Variants in CEP290 observed in about 807,000 individuals in gnomAD.
The protein encoded by CEP290 is centrosomal protein of 290 kDa.
A neutral mutation model predicts 344.9 loss-of-function variants in CEP290; 317 were observed. That is an observed-to-expected ratio of 0.92 (90% CI 0.84 to 1.01). CEP290 has a LOEUF of 1.01. Among genes scored for constraint, CEP290 ranks in the 50% least tolerant of loss-of-function variants. The pLI, the probability that CEP290 is intolerant of heterozygous loss-of-function variation, is 0.00. For missense variants in CEP290, 2,754 were observed against 2,761.4 expected (o/e 1.00, Z 0.06); for synonymous variants, 932 against 895.8 (o/e 1.04, Z -0.72).
chr12:88,089,635 A>G (rs2036866677), intron 30 of CEP290, 148 bp from the exon 31 acceptor site: 2 of 530,694 alleles, frequency 3.8e-6, no homozygotes, highest in Non-Finnish European at 6.2e-6. Flanking sequence ...TTTAATACAA[A>G]TAATTACCAA....
At chr12:88,104,456 A>G (rs1049971403) in intron 25 of CEP290, among the ~76,000 whole-genome samples, 5 of 150,898 alleles carry the variant, frequency 3.3e-5, no homozygotes, top group South Asian at 2.1e-4. Context: ...GAGAAAGATA[A>G]TAAGTTACCT....
intron 26 of CEP290, among the ~76,000 whole-genome samples, chr12:88,101,699 C>T (rs972694126): frequency 6.6e-6 from 1 of 151,066 alleles, no homozygotes; most frequent in Non-Finnish European, 1.5e-5. Context: ...ATGAAAAATA[C>T]TCTTTGGGAA....
At chr12:88,078,352 T>C (rs970293277) in intron 39 of CEP290, among the ~76,000 whole-genome samples, 3 of 152,108 alleles carry the variant, frequency 2.0e-5, no homozygotes, top group Non-Finnish European at 4.4e-5. Flanking sequence ...AAAGGGTAAC[T>C]TACAATACTA....
At chr12:88,109,036 T>TTA (rs755410473) in intron 23 of CEP290, 30 bp downstream of exon 23, 22 of 691,128 alleles carry the variant, frequency 3.2e-5, no homozygotes, top group Non-Finnish European at 4.2e-5. Context: ...TATACTGCAA[T>TTA]TATATTTATA....
intron 47 of CEP290, 149 bp downstream of exon 47, chr12:88,060,681 G>T: frequency 1.8e-6 from 1 of 570,972 alleles, no homozygotes; most frequent in Admixed American, 3.8e-5. Flanking sequence ...CCTTAGCCTT[G>T]CCTCTCATAA....
At position 88,118,582 on chromosome 12, in the gene CEP290, A is replaced by C; in HGVS notation, c.1624-12T>G. Reference sequence around the variant, plus strand: ...TCTAGACTTTCAATCTGCAAAGTATAAATTATTAGTATTTCTCTATAGTTC... The same window carrying C: ...TCTAGACTTTCAATCTGCAAAGTATCAATTATTAGTATTTCTCTATAGTTC... On this transcript the variant is annotated splice_polypyrimidine_tract_variant and intron_variant, in intron 16 of 53. Coordinates refer to ENST00000552810, the MANE Select transcript of CEP290 (RefSeq NM_025114.4). 1 of 1,607,818 alleles carries C rather than the reference A, an allele frequency of 6.2e-7. No homozygotes were observed. The highest frequency in any genetic ancestry group is 8.5e-7 in the Non-Finnish European group (1 of 1,175,814).
rs2036845657 is a variant in CEP290 at position 88,089,405 on chromosome 12, C to T, written c.3656G>A (p.Gly1219Asp). Residue 1219 changes from glycine to aspartate, a missense_variant, in exon 31 of 54, where the codon GGT becomes GAT. Transcript: ENST00000552810. ...SLQLSEATAL[G>D]KLESITSKLQ... Reference sequence around the variant, plus strand: ...TTTAGATGTAATTGACTCCAACTTACCAAGAGCAGTAGCCTCACTCAGTTG... The same window carrying T: ...TTTAGATGTAATTGACTCCAACTTATCAAGAGCAGTAGCCTCACTCAGTTG... The T allele has an allele frequency of 6.2e-7, 1 of 1,612,090 alleles. No homozygotes were observed. The highest frequency in any genetic ancestry group is 1.3e-5 in the African/African-American group (1 of 74,882).
At chr12:88,099,796 T>A (rs1265247863) in intron 26 of CEP290, among the ~76,000 whole-genome samples, 1 of 152,122 alleles carries the variant, frequency 6.6e-6, no homozygotes, top group Non-Finnish European at 1.5e-5. Flanking sequence ...TTTCTATCCA[T>A]TTTTTTCTTC....
intron 10 of CEP290, 120 bp from the exon 11 acceptor site, chr12:88,129,155 C>A: frequency 3.3e-6 from 1 of 303,136 alleles, no homozygotes; most frequent in Non-Finnish European, 5.2e-6. Flanking sequence ...CATACGTATT[C>A]ATACTTATAT....
chr12:88,120,088 A>C lies in CEP290; in HGVS notation c.1522+26T>G, dbSNP rs775518605. The stretch of plus-strand genomic sequence containing the variant: ...AAGACTTGTAAATCAGGTTGCGCAA[A>C]CTATGTAACTTAAAACATGGCTTAC... On this transcript the variant is annotated intron_variant, in intron 15 of 53. Transcript: ENST00000552810. 7 of 1,403,198 alleles carry C rather than the reference A, an allele frequency of 5.0e-6. No individual in the cohort carries two copies. The Admixed American group carries it at 8.9e-5, about 18-fold the overall frequency. The allele number at this position is 1,403,198 out of a possible 1,614,324, so 86.9% of individuals were successfully genotyped here.
chr12:88,114,177 G>T (rs1371326384), intron 20 of CEP290, among the ~76,000 whole-genome samples: 1 of 152,056 alleles, frequency 6.6e-6, no homozygotes, highest in Non-Finnish European at 1.5e-5. Flanking sequence ...GCTGACCCTT[G>T]AACCAAAAGA....
chr12:88,086,220 G>C (rs1322727522), intron 33 of CEP290, 47 bp from the exon 34 acceptor site: 1 of 1,588,846 alleles, frequency 6.3e-7, no homozygotes, highest in Admixed American at 1.9e-5. Flanking sequence ...GCAGCATTGA[G>C]AGTAACTATT....
intron 44 of CEP290, among the ~76,000 whole-genome samples, chr12:88,065,828 A>G (rs1173678540): frequency 2.6e-5 from 4 of 152,236 alleles, no homozygotes; most frequent in Non-Finnish European, 5.9e-5. Flanking sequence ...TTTTGAAATA[A>G]TAAAACTAAA....
In CEP290 at chr12:88,107,905, G is replaced by GA. The variant is rs551623504; in HGVS notation, c.2484-808dup. 8.6e-3 allele frequency among the ~76,000 whole-genome samples: 1,100 copies of GA among 128,066 alleles called. 21 individuals are homozygous for GA. The highest frequency in any genetic ancestry group is 0.029 in the African/African-American group (1,013 of 34,968). 84.0% of individuals were successfully genotyped at this position (128,066 alleles called of 152,430 possible). On this transcript the variant is annotated intron_variant, in intron 23 of 53. Coordinates refer to ENST00000552810, the MANE Select transcript of CEP290 (RefSeq NM_025114.4). The stretch of plus-strand genomic sequence containing the variant: ...TGACAGAGCAAGACTCTGTCTCAAG[G>GA]AAAAAAAAAAAAAAGTATGCGAGGT...
intron 36 of CEP290, among the ~76,000 whole-genome samples, chr12:88,083,564 A>T (rs1026544147): frequency 1.3e-5 from 2 of 152,220 alleles, no homozygotes; most frequent in African/African-American, 4.8e-5. Flanking sequence ...GGCAAATATG[A>T]GCTGAATTCT....
chr12:88,055,666 A>AT lies in CEP290; in HGVS notation c.6869dup (p.Asn2290LysfsTer6), dbSNP rs587783017. On this transcript the variant is annotated frameshift_variant, in exon 50 of 54. Coordinates refer to ENST00000552810, the MANE Select transcript of CEP290 (RefSeq NM_025114.4). LOFTEE classifies it high-confidence loss of function. ...GCTGTTTAAGGTCAGTAATGCTTTG[A>AT]TTTTTTTTGGCAATATCAGTTTCCA... The AT allele has an allele frequency of 5.6e-5, 87 of 1,553,246 alleles. No homozygotes were observed. In the South Asian group the frequency reaches 6.2e-4, roughly 11 times the overall value.
intron 34 of CEP290, among the ~76,000 whole-genome samples, chr12:88,085,645 T>C (rs2036522266): frequency 6.6e-6 from 1 of 152,104 alleles, no homozygotes; most frequent in Admixed American, 6.5e-5. Flanking sequence ...ATTTCTAATT[T>C]ACCTTCAACC....
At position 88,071,799 on chromosome 12, in the gene CEP290, A is replaced by C. The variant is rs1402929023; in HGVS notation, c.5837T>G (p.Leu1946Trp). 3 of 1,595,702 alleles carry C rather than the reference A, an allele frequency of 1.9e-6. No homozygotes were observed. The highest frequency in any genetic ancestry group is 2.6e-6 in the Non-Finnish European group (3 of 1,173,960). The change falls in exon 42 of 54, where the codon TTG (leucine) becomes TGG (tryptophan). Residue 1946 changes from leucine (L) to tryptophan (W), a missense_variant. Leu to Trp is a moderately conservative substitution (Grantham distance 61). Coordinates refer to ENST00000552810, the MANE Select transcript of CEP290 (RefSeq NM_025114.4). ...VFTLTKQLNTLKDLFAKADKE... is the reference protein window; with the variant it reads ...VFTLTKQLNTWKDLFAKADKE... ...AACTCACTTGGCAAAAAGATCCTTC[A>C]AAGTATTCAACTGCTTTGTTAAAGT... is the stretch of plus-strand genomic sequence containing the variant.
intron 21 of CEP290, 37 bp downstream of exon 21, chr12:88,111,657 A>G (rs775792473): frequency 6.6e-7 from 1 of 1,504,396 alleles, no homozygotes; most frequent in African/African-American, 1.4e-5. Context: ...CTACATTCTT[A>G]TGTTTAGCAT....
Sources: allele counts gnomAD v4.1 joint callset (sites outside exome capture counted in the v4.1 genomes callset), GRCh38; gene constraint gnomAD v4.1.1; transcripts MANE v1.5; gene names NCBI Gene and HGNC (gene_info 2026-07-23, HGNC 2026-07-21).